DOP1B: variants seen among roughly 807,000 people sequenced by gnomAD.
The protein encoded by DOP1B is protein DOP1B.
DOP1B carries 174 observed loss-of-function variants against 233.5 expected under a neutral mutation model. The observed-to-expected ratio is 0.75, with a 90% CI of 0.66 to 0.85. The LOEUF is 0.85. Among genes scored for constraint, DOP1B ranks in the 40% least tolerant of loss-of-function variants. The pLI is 0.00. For missense variants in DOP1B, 2,652 were observed against 2,846.6 expected (o/e 0.93, Z 1.56); for synonymous variants, 1,190 against 1,185.6 (o/e 1.00, Z -0.08).
chr21:36,280,359 T>A lies in DOP1B; in HGVS notation c.6031+13T>A. 6.3e-7 allele frequency: 1 copy of A among 1,587,100 alleles called. No homozygotes were observed. Among genetic ancestry groups the A allele is most frequent in the Non-Finnish European group, 8.6e-7 (1 of 1,159,290 alleles). ...AAGGATTTAATGAGTAAGTTCTGTG[T>A]TACTTTTGCATAACTCACACTTGAT... On this transcript the variant is annotated intron_variant, in intron 31 of 36. Coordinates refer to ENST00000691173, the MANE Select transcript of DOP1B (RefSeq NM_001320714.2).
In DOP1B at chr21:36,208,802, G is replaced by T; in HGVS notation, c.579G>T (p.Pro193=). The change falls in exon 5 of 37, where the codon CCG becomes CCT. Residue 193 remains proline (P), a synonymous_variant. Transcript: ENST00000691173. ...TCTGGGGGAGCGTCCTGGCCAGCCC[G>T]TCCATCCGCCTCCCTGCCTCAGTCT... ...TALWGSVLAS[P]SIRLPASVFV... is the part of the protein sequence containing the mutation. 1 of 1,608,696 alleles carries T rather than the reference G, an allele frequency of 6.2e-7. No individual in the cohort carries two copies. The highest frequency in any genetic ancestry group is 8.5e-7 in the Non-Finnish European group (1 of 1,177,536).
chr21:36,229,253 T>TG (rs1330814762), intron 13 of DOP1B, among the ~76,000 whole-genome samples: 1 of 152,160 alleles, frequency 6.6e-6, no homozygotes, highest in Non-Finnish European at 1.5e-5. Context: ...TGTTTTCTCA[T>TG]GGTTTTGAAG....
chr21:36,231,085 G>C lies in DOP1B; in HGVS notation c.2301G>C (p.Leu767=), dbSNP rs762085146. 1 of 1,612,596 alleles carries C rather than the reference G, an allele frequency of 6.2e-7. No homozygotes were observed. Among genetic ancestry groups the C allele is most frequent in the East Asian group, 2.2e-5 (1 of 44,842 alleles). Residue 767 remains leucine (L), a synonymous_variant, in exon 14 of 37, where the codon CTG becomes CTC. Transcript: ENST00000691173. ...ATTGTGCCACTTTCCCTGTCTACCT[G>C]TCCGAGGAAGAGACCGAGCAGCTCT... ...LLDCATFPVY[L]SEEETEQLCA...
intron 27 of DOP1B, among the ~76,000 whole-genome samples, chr21:36,273,993 G>A (rs930332610): frequency 5.9e-5 from 9 of 152,040 alleles, no homozygotes. Context: ...CAGGAGAATG[G>A]CGTGAACCAG....
chr21:36,260,971 GT>G, intron 24 of DOP1B: 1 of 1,256,372 alleles, frequency 8.0e-7, no homozygotes, highest in Non-Finnish European at 1.0e-6. Flanking sequence ...GAAGCTTTAT[GT>G]GAGGCCTGTT....
At chr21:36,200,159 C>T (rs2066344230) in intron 3 of DOP1B, among the ~76,000 whole-genome samples, 172 bp from the exon 4 acceptor site, 1 of 152,184 alleles carries the variant, frequency 6.6e-6, no homozygotes, top group Admixed American at 6.5e-5. Context: ...TCATTGCTGG[C>T]TTGTTACGTA....
At chr21:36,276,983 A>G (rs1392380891) in intron 27 of DOP1B, 38 bp from the exon 28 acceptor site, 1 of 1,608,726 alleles carries the variant, frequency 6.2e-7, no homozygotes, top group Non-Finnish European at 8.5e-7. Context: ...TGACCCATCC[A>G]TCATAGTTAA....
chr21:36,254,333 G>A (rs999729080), intron 23 of DOP1B, among the ~76,000 whole-genome samples: 4 of 152,276 alleles, frequency 2.6e-5, no homozygotes, highest in South Asian at 2.1e-4. Context: ...TAACCACTGC[G>A]GTAAGGGAAA....
intron 2 of DOP1B, chr21:36,170,687 T>C (rs73374920): frequency 0.43 from 64,448 of 150,920 alleles, 14,530 homozygotes; most frequent in African/African-American, 0.58. Context: ...CCCAGCTACT[T>C]AGGAGGCTGA....
In DOP1B at chr21:36,245,146, C is replaced by T. The variant is rs1385132394; in HGVS notation, c.3166C>T (p.Leu1056=). The T allele has an allele frequency of 6.2e-7, 1 of 1,614,080 alleles. No homozygotes were observed. Among genetic ancestry groups the T allele is most frequent in the South Asian group, 1.1e-5 (1 of 91,088 alleles). The change falls in exon 19 of 37, where the codon CTG becomes TTG. Residue 1056 remains leucine (L), a synonymous_variant. Coordinates refer to ENST00000691173, the MANE Select transcript of DOP1B (RefSeq NM_001320714.2). The surrounding 1 kb of genome is among the most constrained non-coding windows in gnomAD (Gnocchi z 5.5). ...QESGSEEHLP[L]SQFTTVDREA... ...GAGCGGCTCTGAAGAGCACCTGCCT[C>T]TGAGCCAGTTCACCACAGTGGACCG...
At chr21:36,169,554 C>G in intron 2 of DOP1B, 1 of 1,116,040 alleles carries the variant, frequency 9.0e-7, no homozygotes, top group South Asian at 1.3e-5. Flanking sequence ...AGCCCAAACG[C>G]TTGGTTCACA....
At chr21:36,223,135 G>A (rs2066645171) in intron 10 of DOP1B, 96 bp from the exon 11 acceptor site, 1 of 1,284,676 alleles carries the variant, frequency 7.8e-7, no homozygotes, top group African/African-American at 1.5e-5. Context: ...CTAGAAATAA[G>A]TTGCAGATGG....
chr21:36,203,663 C>CA (rs1453364423), intron 4 of DOP1B, among the ~76,000 whole-genome samples: 12 of 151,536 alleles, frequency 7.9e-5, no homozygotes, highest in Non-Finnish European at 1.6e-4. Context: ...TCATGATGAG[C>CA]ACGTGGGTAG....
rs114351599 is a variant in DOP1B, at chr21:36,169,372, C to T, written c.138+4501C>T. 5.1e-3 allele frequency: 4,190 copies of T among 820,352 alleles called. 97 individuals are homozygous for T. In the African/African-American group the frequency reaches 0.058, roughly 11 times the overall value. 50.8% of individuals were successfully genotyped at this position (820,352 alleles called of 1,614,324 possible). A position where few individuals can be genotyped will look rare whatever the true frequency, so the allele number is the denominator to read the frequency against. The stretch of plus-strand genomic sequence containing the variant: ...CAGTGTGGTGATGGTCGCCTTTCTG[C>T]CCAGCACATGCCATGGAGAAGGCCA... On this transcript the variant is annotated intron_variant, in intron 2 of 36. Transcript: ENST00000691173.
At chr21:36,240,444 C>T (rs1374816696) in intron 18 of DOP1B, among the ~76,000 whole-genome samples, 5 of 152,190 alleles carry the variant, frequency 3.3e-5, no homozygotes, top group Non-Finnish European at 5.9e-5. Context: ...GGTGCCACTG[C>T]ACTCCAGCCT....
intron 29 of DOP1B, 47 bp downstream of exon 29, chr21:36,278,131 T>C (rs779580354): frequency 1.2e-5 from 20 of 1,613,454 alleles, no homozygotes; most frequent in Non-Finnish European, 5.1e-6. Flanking sequence ...CAGAAAAATA[T>C]GTTTTCACAA....
chr21:36,207,044 G>A (rs950144776), intron 4 of DOP1B, among the ~76,000 whole-genome samples: 5 of 152,072 alleles, frequency 3.3e-5, no homozygotes, highest in Non-Finnish European at 4.4e-5. Flanking sequence ...GGGGTTTTTC[G>A]AGTGCCAACC....
chr21:36,237,537 A>C, intron 16 of DOP1B, 123 bp downstream of exon 16: 1 of 1,270,412 alleles, frequency 7.9e-7, no homozygotes, highest in Non-Finnish European at 1.1e-6. Context: ...CGTGATTAAT[A>C]AAATAAGCAG....
intron 30 of DOP1B, 116 bp downstream of exon 30, chr21:36,278,471 A>T: frequency 1.8e-6 from 2 of 1,092,036 alleles, no homozygotes; most frequent in Non-Finnish European, 2.6e-6. Context: ...CAACCCAAAT[A>T]ACAGGACGTC....
Sources: gnomAD v4.1 joint callset for allele counts (sites outside exome capture counted in the v4.1 genomes callset) on GRCh38, gnomAD v4.1.1 for gene constraint, Gnocchi (gnomAD v3.1) non-coding constraint, MANE v1.5 for transcripts, NCBI Gene and HGNC (gene_info 2026-07-23, HGNC 2026-07-21) for gene names.